CTNNA3: variants seen among roughly 807,000 people sequenced by gnomAD.
CTNNA3 encodes catenin alpha 3.
A neutral mutation model predicts 95.7 loss-of-function variants in CTNNA3; 76 were observed. The observed-to-expected ratio is 0.79, with a 90% CI of 0.66 to 0.96. The LOEUF is 0.96. Ranked by LOEUF, CTNNA3 falls within the 40% of genes least tolerant of loss-of-function variation. The pLI is 0.00. For missense variants in CTNNA3, 1,191 were observed against 1,089.8 expected (o/e 1.09, Z -1.31); for synonymous variants, 431 against 374.4 (o/e 1.15, Z -1.74).
intron 13 of CTNNA3, among the ~76,000 whole-genome samples, chr10:66,243,129 G>A (rs2132044303): frequency 6.6e-6 from 1 of 152,264 alleles, no homozygotes; most frequent in East Asian, 1.9e-4. Context: ...TTAAAAAAGA[G>A]ATCTTAAGAC....
chr10:66,300,605 T>G (rs756896711), intron 12 of CTNNA3, among the ~76,000 whole-genome samples: 1 of 151,790 alleles, frequency 6.6e-6, no homozygotes, highest in Admixed American at 6.6e-5. Context: ...TGTGGTATTC[T>G]TCCCTAAAAT....
At chr10:67,324,403 G>T (rs1350186181) in intron 5 of CTNNA3, among the ~76,000 whole-genome samples, 1 of 152,058 alleles carries the variant, frequency 6.6e-6, no homozygotes, top group Non-Finnish European at 1.5e-5. Flanking sequence ...TTAATTTAAG[G>T]TATGTTCCTT....
intron 14 of CTNNA3, among the ~76,000 whole-genome samples, chr10:66,090,019 T>C (rs766229301): frequency 2.6e-5 from 4 of 151,962 alleles, no homozygotes; most frequent in Admixed American, 6.6e-5. Flanking sequence ...AAGAACAACA[T>C]GAATCTAATG....
At chr10:66,533,184 TC>T (rs1456343957) in intron 10 of CTNNA3, among the ~76,000 whole-genome samples, 1 of 152,164 alleles carries the variant, frequency 6.6e-6, no homozygotes, top group Non-Finnish European at 1.5e-5. Flanking sequence ...TAGCATTATT[TC>T]CTATCAGCAC....
chr10:66,395,669 A>G (rs1589189936), intron 11 of CTNNA3, among the ~76,000 whole-genome samples: 1 of 152,176 alleles, frequency 6.6e-6, no homozygotes, highest in South Asian at 2.1e-4. Flanking sequence ...AAAGCTTTCT[A>G]GAAGATTCTC....
chr10:66,073,467 T>C (rs2133614182), intron 14 of CTNNA3, among the ~76,000 whole-genome samples: 1 of 152,272 alleles, frequency 6.6e-6, no homozygotes, highest in South Asian at 2.1e-4. Flanking sequence ...TTCACTGCTG[T>C]TAGGAATACC....
Position 67,219,729 on chromosome 10 carries a change from C to G in CTNNA3, c.721G>C (p.Val241Leu), listed in dbSNP as rs1864561900. 2 of 1,613,996 alleles carry G rather than the reference C, an allele frequency of 1.2e-6. No homozygotes were observed. The highest frequency in any genetic ancestry group is 1.7e-6 in the Non-Finnish European group (2 of 1,180,018). Residue 241 changes from valine to leucine, a missense_variant, in exon 6 of 18, where the codon GTT (valine) becomes CTT (leucine). Transcript: ENST00000433211. ...AGAGCATTCTGAATTTCTTCACAAACTGTGTCCTTGCTTGCTTTGAGGGAA... is the reference window on the plus strand; with the variant it reads ...AGAGCATTCTGAATTTCTTCACAAAGTGTGTCCTTGCTTGCTTTGAGGGAA... ...VASLKASKDT[V>L]CEEIQNALNV...
chr10:66,652,115 A>C (rs556723378), intron 9 of CTNNA3, among the ~76,000 whole-genome samples: 28 of 141,294 alleles, frequency 2.0e-4, no homozygotes, highest in African/African-American at 7.5e-4. Context: ...AAAAAAAAAA[A>C]AAAACTAAGC....
At chr10:66,634,523 C>A (rs1281606523) in intron 9 of CTNNA3, among the ~76,000 whole-genome samples, 1 of 150,272 alleles carries the variant, frequency 6.7e-6, no homozygotes, top group Non-Finnish European at 1.5e-5. Flanking sequence ...CAATATTGAT[C>A]TTAATAATGA....
At chr10:67,103,902 A>C (rs548517756) in intron 7 of CTNNA3, among the ~76,000 whole-genome samples, 55 of 151,822 alleles carry the variant, frequency 3.6e-4, no homozygotes, top group South Asian at 1.0e-3. Context: ...CTAATGGAAA[A>C]AACAACAACA....
chr10:67,638,555 C>G (rs1319212842), intron 2 of CTNNA3, among the ~76,000 whole-genome samples: 4 of 152,236 alleles, frequency 2.6e-5, no homozygotes, highest in Non-Finnish European at 5.9e-5. Context: ...ACAGAATATA[C>G]ATTCTTCTCA....
intron 11 of CTNNA3, among the ~76,000 whole-genome samples, chr10:66,392,773 C>T (rs780332260): frequency 3.9e-5 from 6 of 152,114 alleles, no homozygotes; most frequent in Non-Finnish European, 7.4e-5. Flanking sequence ...TCTCGTTCAT[C>T]GCTGAAGAGA....
At chr10:67,694,628 C>T (rs1384454506) in intron 1 of CTNNA3, among the ~76,000 whole-genome samples, 1 of 151,894 alleles carries the variant, frequency 6.6e-6, no homozygotes, top group Admixed American at 6.6e-5. Context: ...AAATGTTACA[C>T]AAATTTAAAA....
chr10:66,546,534 T>G (rs2939909), intron 10 of CTNNA3, among the ~76,000 whole-genome samples: 1 of 152,246 alleles, frequency 6.6e-6, no homozygotes, highest in African/African-American at 2.4e-5. Context: ...ATTGACTCAC[T>G]GTTTAGCATG....
intron 7 of CTNNA3, among the ~76,000 whole-genome samples, chr10:66,995,023 T>C (rs1851251587): frequency 6.6e-6 from 1 of 152,180 alleles, no homozygotes; most frequent in Admixed American, 6.5e-5. Flanking sequence ...TGCCTTCTCA[T>C]TCCAAGTATA....
At chr10:67,485,319 G>C (rs968726876) in intron 5 of CTNNA3, among the ~76,000 whole-genome samples, 6 of 152,178 alleles carry the variant, frequency 3.9e-5, no homozygotes, top group Admixed American at 1.3e-4. Context: ...GACTAGTAGA[G>C]GTGGGGACAT....
chr10:67,176,546 G>A (rs766870617), intron 7 of CTNNA3, among the ~76,000 whole-genome samples: 17 of 152,156 alleles, frequency 1.1e-4, no homozygotes, highest in Non-Finnish European at 2.4e-4. Context: ...AGAGACTAGG[G>A]AAGACTAGTA....
intron 11 of CTNNA3, among the ~76,000 whole-genome samples, chr10:66,452,699 T>C (rs191709194): frequency 2.6e-5 from 4 of 152,286 alleles, no homozygotes; most frequent in Admixed American, 1.3e-4. Flanking sequence ...AACATTATTA[T>C]TGTAAAACTT....
intron 5 of CTNNA3, among the ~76,000 whole-genome samples, chr10:67,502,182 G>A (rs527574495): frequency 5.9e-5 from 9 of 152,124 alleles, no homozygotes; most frequent in Non-Finnish European, 1.3e-4. Flanking sequence ...TGATGTTGAT[G>A]CTATTCCTTT....
Sources: gnomAD v4.1 joint callset for allele counts (sites outside exome capture counted in the v4.1 genomes callset) on GRCh38, gnomAD v4.1.1 for gene constraint, MANE v1.5 for transcripts, NCBI Gene and HGNC (gene_info 2026-07-23, HGNC 2026-07-21) for gene names.